Variants in ITSN1 observed in about 807,000 individuals in gnomAD.
ITSN1 encodes intersectin-1.
A neutral mutation model predicts 239.8 loss-of-function variants in ITSN1; 58 were observed. That is an observed-to-expected ratio of 0.24 (90% CI 0.20 to 0.30). The LOEUF is 0.30. Ranked by LOEUF, ITSN1 falls within the 10% of genes least tolerant of loss-of-function variation. The pLI, the probability that ITSN1 is intolerant of heterozygous loss-of-function variation, is 1.00. For missense variants in ITSN1, 1,558 were observed against 2,103.3 expected (o/e 0.74, Z 5.07); for synonymous variants, 780 against 770.8 (o/e 1.01, Z -0.20).
chr21:33,656,214 G>A (rs1004026556), intron 1 of ITSN1, among the ~76,000 whole-genome samples: 2 of 152,110 alleles, frequency 1.3e-5, no homozygotes. Context: ...TTTTCCCCCA[G>A]TTGGTGAGAC....
At chr21:33,666,488 C>T (rs2089941405) in intron 1 of ITSN1, among the ~76,000 whole-genome samples, 1 of 152,112 alleles carries the variant, frequency 6.6e-6, no homozygotes, top group South Asian at 2.1e-4. Flanking sequence ...TTCGACATGA[C>T]GTTTTTTCCA....
At position 33,836,628 on chromosome 21, in the gene ITSN1, G is replaced by T. The variant is rs374844830; in HGVS notation, c.3657G>T (p.Gln1219His). 2.5e-5 allele frequency: 41 copies of T among 1,612,982 alleles called. No individual in the cohort carries two copies. Among genetic ancestry groups the T allele is most frequent in the Admixed American group, 6.7e-5 (4 of 59,930 alleles). ...TGACCACAGACATGGACCCAAGCCA[G>T]CAATGTAAGTGCCCTGGTGGCTCTG... is the stretch of plus-strand genomic sequence containing the variant. ...VKLTTDMDPSQQWCSDLHLLD... is the reference protein window; with the variant it reads ...VKLTTDMDPSHQWCSDLHLLD... Residue 1219 changes from glutamine (Q) to histidine (H), a missense_variant, in exon 29 of 40, where the codon CAG becomes CAT. Around this residue, in one of 2 missense-constraint regions of ITSN1, gnomAD observed 576 missense variants for 893.3 expected, o/e 0.64. Coordinates refer to ENST00000381318, the MANE Select transcript of ITSN1 (RefSeq NM_003024.3).
intron 30 of ITSN1, among the ~76,000 whole-genome samples, chr21:33,857,477 C>T (rs918361554): frequency 1.3e-5 from 2 of 152,218 alleles, no homozygotes; most frequent in Non-Finnish European, 2.9e-5. Flanking sequence ...CTTTTGTCCA[C>T]GTCCATGGGA....
intron 34 of ITSN1, among the ~76,000 whole-genome samples, chr21:33,877,707 G>A (rs2834284): frequency 0.19 from 29,359 of 151,962 alleles, 4,931 homozygotes; most frequent in African/African-American, 0.46. Flanking sequence ...CAAGGTCAGC[G>A]TCAGCAGATT....
intron 39 of ITSN1, among the ~76,000 whole-genome samples, chr21:33,886,797 A>C (rs1019850016): frequency 6.6e-6 from 1 of 152,212 alleles, no homozygotes; most frequent in Non-Finnish European, 1.5e-5. Context: ...TGTGCTGGCA[A>C]TGGATGAAAC....
At chr21:33,878,605 A>G (rs771875638) in intron 34 of ITSN1, among the ~76,000 whole-genome samples, 4 of 152,132 alleles carry the variant, frequency 2.6e-5, no homozygotes, top group Non-Finnish European at 4.4e-5. Flanking sequence ...GGGAGTCACC[A>G]TGACTGGTTC....
intron 30 of ITSN1, 131 bp from the exon 31 acceptor site, chr21:33,858,555 C>T (rs1393629587): frequency 1.1e-5 from 6 of 538,740 alleles, no homozygotes; most frequent in Admixed American, 9.8e-5. Flanking sequence ...GGAAAGCAGG[C>T]GTTCACCTCT....
At chr21:33,699,208 A>G (rs913111182) in intron 1 of ITSN1, among the ~76,000 whole-genome samples, 2 of 152,162 alleles carry the variant, frequency 1.3e-5, no homozygotes, top group Non-Finnish European at 2.9e-5. Flanking sequence ...CATTGATGCC[A>G]CATTTCTACC....
intron 20 of ITSN1, among the ~76,000 whole-genome samples, chr21:33,808,376 G>A (rs1347314796): frequency 6.6e-6 from 1 of 152,136 alleles, no homozygotes; most frequent in Non-Finnish European, 1.5e-5. Context: ...CCTGAGGTCA[G>A]GAGTTCGAGA....
In ITSN1 at chr21:33,885,504, A is replaced by G. The variant is rs769129278; in HGVS notation, c.4825A>G (p.Lys1609Glu). ...GAACGTGGTTGAAGGCATCGAGTTG[A>G]AACCCTGTCGGTCACATGGTAAGGC... ...MVNVVEGIEL[K>E]PCRSHGKSNP... Residue 1609 changes from lysine (K) to glutamate (E), a missense_variant, in exon 38 of 40, where the codon AAA becomes GAA. Lys to Glu is a moderately conservative substitution (Grantham distance 56, BLOSUM62 1). Around this residue, in one of 2 missense-constraint regions of ITSN1, gnomAD observed 576 missense variants for 893.3 expected, o/e 0.64. Coordinates refer to ENST00000381318, the MANE Select transcript of ITSN1 (RefSeq NM_003024.3). The G allele has an allele frequency of 2.5e-6, 4 of 1,613,982 alleles. No homozygotes were observed. The highest frequency in any genetic ancestry group is 3.4e-6 in the Non-Finnish European group (4 of 1,180,010).
intron 16 of ITSN1, among the ~76,000 whole-genome samples, chr21:33,793,546 A>G (rs2071312532): frequency 6.6e-6 from 1 of 152,102 alleles, no homozygotes; most frequent in Non-Finnish European, 1.5e-5. Context: ...TATTCTTCCT[A>G]TTTTCAGGTG....
rs2090971668 is a variant in ITSN1 at position 33,681,746 on chromosome 21, T to C, written c.-32-37051T>C. On this transcript the variant is annotated intron_variant, in intron 1 of 39. Coordinates refer to ENST00000381318, the MANE Select transcript of ITSN1 (RefSeq NM_003024.3). ...AGTGCAGTGGCGAGATCTGGGTTCATTGCAAGCTCCGCCTCCCGGGTTCAC... is the reference window on the plus strand; with the variant it reads ...AGTGCAGTGGCGAGATCTGGGTTCACTGCAAGCTCCGCCTCCCGGGTTCAC... Among the ~76,000 whole-genome samples, 3 of 151,314 alleles carry C rather than the reference T, an allele frequency of 2.0e-5. No homozygotes were observed. The South Asian group carries it at 6.3e-4, about 32-fold the overall frequency.
intron 16 of ITSN1, among the ~76,000 whole-genome samples, chr21:33,788,585 G>C (rs2070852174): frequency 6.6e-6 from 1 of 151,988 alleles, no homozygotes; most frequent in African/African-American, 2.4e-5. Flanking sequence ...ACAAAAATTG[G>C]CTGGGTGTGG....
chr21:33,788,869 T>G (rs1456505822), intron 16 of ITSN1, among the ~76,000 whole-genome samples: 4 of 152,184 alleles, frequency 2.6e-5, no homozygotes, highest in Non-Finnish European at 5.9e-5. Flanking sequence ...GAGGATCACA[T>G]GAAGCCAGAC....
At chr21:33,716,145 G>C (rs1232393711) in intron 1 of ITSN1, among the ~76,000 whole-genome samples, 2 of 152,124 alleles carry the variant, frequency 1.3e-5, no homozygotes, top group Non-Finnish European at 2.9e-5. Flanking sequence ...AGAGTTCCTT[G>C]TGCTTGGGGG....
In ITSN1 at chr21:33,654,828, C is replaced by T. The variant is rs578154643; in HGVS notation, c.-33+12115C>T. The stretch of plus-strand genomic sequence containing the variant: ...TGTCTAAAGAGAAGCAGAGAGAACA[C>T]TACCTGACTCTCTGACAGCATTAAG... On this transcript the variant is annotated intron_variant, in intron 1 of 39. Transcript: ENST00000381318. Among the ~76,000 whole-genome samples the T allele has an allele frequency of 2.6e-5, 4 of 152,300 alleles. 1 individual carries two copies. The South Asian group carries it at 8.3e-4, about 32-fold the overall frequency.
chr21:33,859,593 G>A (rs1427346909), intron 31 of ITSN1, among the ~76,000 whole-genome samples: 1 of 92,382 alleles, frequency 1.1e-5, no homozygotes, highest in Non-Finnish European at 2.6e-5. Context: ...CCCGAGGATG[G>A]AGGGCAGGCT....
At chr21:33,824,461 A>G (rs892764146) in intron 25 of ITSN1, among the ~76,000 whole-genome samples, 3 of 152,040 alleles carry the variant, frequency 2.0e-5, no homozygotes, top group African/African-American at 7.3e-5. Flanking sequence ...TTAAGTGTTG[A>G]CAGTCAATTC....
chr21:33,824,839 A>T (rs1268907711), intron 25 of ITSN1, among the ~76,000 whole-genome samples: 3 of 152,092 alleles, frequency 2.0e-5, no homozygotes, highest in Non-Finnish European at 4.4e-5. Context: ...ATTCCCATGG[A>T]TGGATTTACA....
Sources: gnomAD v4.1 joint callset for allele counts (sites outside exome capture counted in the v4.1 genomes callset) on GRCh38, gnomAD v4.1.1 for gene constraint, gnomAD v4.1.1 regional missense constraint, MANE v1.5 for transcripts, NCBI Gene and HGNC (gene_info 2026-07-23, HGNC 2026-07-21) for gene names.